Variants in SCG3 observed in about 807,000 individuals in gnomAD.
SCG3 encodes the protein secretogranin-3.
A neutral mutation model predicts 56.2 loss-of-function variants in SCG3; 38 were observed. The observed-to-expected ratio is 0.68, with a 90% confidence interval of 0.52 to 0.89. The LOEUF is 0.89. Among genes scored for constraint, SCG3 ranks in the 40% least tolerant of loss-of-function variants. SCG3 has a pLI of 0.00. For synonymous variants in SCG3, 176 were observed against 184.2 expected, an observed-to-expected ratio of 0.96 and a Z score of 0.36; for missense variants, 524 against 540.7, an observed-to-expected ratio of 0.97 and a Z score of 0.31.
chr15:51,695,124 C>G (rs1184942909), intron 7 of SCG3, among the ~76,000 whole-genome samples: 3 of 151,968 alleles, frequency 2.0e-5, no homozygotes, highest in Non-Finnish European at 4.4e-5. Flanking sequence ...ATATTACTTT[C>G]CATTTTTATT....
chr15:51,687,013 A>G (rs568766428), intron 4 of SCG3, among the ~76,000 whole-genome samples: 6 of 152,224 alleles, frequency 3.9e-5, no homozygotes, highest in Non-Finnish European at 8.8e-5. Context: ...CAGAATAGAA[A>G]TACTAGGCTC....
intron 11 of SCG3, among the ~76,000 whole-genome samples, chr15:51,719,160 G>C (rs1289968681): frequency 6.6e-6 from 1 of 152,220 alleles, no homozygotes; most frequent in Admixed American, 6.5e-5. Context: ...TTGGTCAAAT[G>C]GGGATGGTAT....
rs144104860 is a variant in SCG3 at position 51,714,581 on chromosome 15, T to C, written c.1288+1168T>C. Among the ~76,000 whole-genome samples the C allele has an allele frequency of 7.9e-3, 1,201 of 152,318 alleles. 15 individuals carry two copies. Among genetic ancestry groups the C allele is most frequent in the African/African-American group, 0.028 (1,153 of 41,554 alleles). On this transcript the variant is annotated intron_variant, in intron 11 of 11. Transcript: ENST00000220478. ...AACTTTAAAGTGCATCCAAATCACCTGGGGAACTTCTTAAATATCCCACTG... is the reference window on the plus strand; with the variant it reads ...AACTTTAAAGTGCATCCAAATCACCCGGGGAACTTCTTAAATATCCCACTG...
chr15:51,685,494 G>A (rs1011379350), intron 4 of SCG3, among the ~76,000 whole-genome samples: 7 of 152,278 alleles, frequency 4.6e-5, no homozygotes, highest in South Asian at 2.1e-4. Context: ...ATGACTTCAG[G>A]TTTACCGTAG....
At chr15:51,688,124 G>T in intron 4 of SCG3, 136 bp from the exon 5 acceptor site, 1 of 806,058 alleles carries the variant, frequency 1.2e-6, no homozygotes, top group Non-Finnish European at 1.8e-6. Flanking sequence ...GAGGGTTTCT[G>T]TGGACCGAGA....
At chr15:51,682,936 T>C (rs537698879) in intron 2 of SCG3, 143 bp from the exon 3 acceptor site, 22 of 639,468 alleles carry the variant, frequency 3.4e-5, no homozygotes, top group East Asian at 8.4e-5. Flanking sequence ...TTAATTATTA[T>C]AACAGTGCTC....
At chr15:51,686,726 T>C (rs907673171) in intron 4 of SCG3, among the ~76,000 whole-genome samples, 6 of 152,186 alleles carry the variant, frequency 3.9e-5, no homozygotes, top group African/African-American at 1.4e-4. Context: ...TTTGTTTTTC[T>C]TAGGGGCTTT....
chr15:51,720,844 T>C lies in SCG3; in HGVS notation c.*1318T>C. The C allele has an allele frequency of 5.5e-6, 1 of 183,116 alleles. No homozygotes were observed. Among genetic ancestry groups the C allele is most frequent in the Non-Finnish European group, 1.1e-5 (1 of 93,008 alleles). The allele number at this position is 183,116 out of a possible 1,614,324, so 11.3% of individuals were successfully genotyped here. On this transcript the variant is annotated 3_prime_UTR_variant, in exon 12 of 12. Coordinates refer to ENST00000220478, the MANE Select transcript of SCG3 (RefSeq NM_013243.4). The stretch of plus-strand genomic sequence containing the variant: ...GCACCAATCAGCAGGATTCTAAAAG[T>C]AGACAATCACAGGGAGGATTGAAAA...
chr15:51,699,141 T>C (rs1460987520), intron 8 of SCG3, among the ~76,000 whole-genome samples, 178 bp from the exon 9 acceptor site: 1 of 152,192 alleles, frequency 6.6e-6, no homozygotes, highest in African/African-American at 2.4e-5. Flanking sequence ...TATATGTCTT[T>C]CCATCCTGAG....
chr15:51,690,201 C>G (rs1439706711), intron 6 of SCG3, among the ~76,000 whole-genome samples: 1 of 152,186 alleles, frequency 6.6e-6, no homozygotes, highest in African/African-American at 2.4e-5. Flanking sequence ...GCTCCTTCCC[C>G]TTTTCATTGG....
intron 6 of SCG3, among the ~76,000 whole-genome samples, chr15:51,689,956 T>C (rs2055256315): frequency 6.6e-6 from 1 of 152,206 alleles, no homozygotes; most frequent in African/African-American, 2.4e-5. Flanking sequence ...CATAATAATA[T>C]GTGAAGTAAC....
chr15:51,707,135 C>G (rs1177703391), intron 10 of SCG3, among the ~76,000 whole-genome samples: 1 of 151,886 alleles, frequency 6.6e-6, no homozygotes. Flanking sequence ...TTTTAATCAT[C>G]CAAGGGATGA....
chr15:51,686,701 T>TTGTTTGTTTGTA (rs759176531), intron 4 of SCG3, among the ~76,000 whole-genome samples: 1 of 146,220 alleles, frequency 6.8e-6, no homozygotes, highest in African/African-American at 2.7e-5. Flanking sequence ...GTTTGTTTGT[T>TTGTTTGTTTGTA]TGTATGTTTG....
chr15:51,690,026 A>T lies in SCG3; in HGVS notation c.690+658A>T, dbSNP rs2055256750. Among the ~76,000 whole-genome samples, 3 of 152,298 alleles carry T rather than the reference A, an allele frequency of 2.0e-5. No homozygotes were observed. In the South Asian group the frequency reaches 6.2e-4, roughly 32 times the overall value. On this transcript the variant is annotated intron_variant, in intron 6 of 11. Transcript: ENST00000220478. ...AGTGAACTGCAAGCAAACATCTCACAGTTCTTTTGGTATCCAACATCTGTT... is the reference window on the plus strand; with the variant it reads ...AGTGAACTGCAAGCAAACATCTCACTGTTCTTTTGGTATCCAACATCTGTT...
At chr15:51,684,464 C>T (rs1305139953) in intron 4 of SCG3, among the ~76,000 whole-genome samples, 2 of 152,154 alleles carry the variant, frequency 1.3e-5, no homozygotes, top group Admixed American at 1.3e-4. Context: ...GTAGTCACAG[C>T]TACTTGGGAG....
intron 5 of SCG3, 75 bp downstream of exon 5, chr15:51,688,477 T>C: frequency 7.2e-7 from 1 of 1,397,342 alleles, no homozygotes. Flanking sequence ...GTCACTTGCC[T>C]CAAGTAGCCA....
chr15:51,703,821 A>G (rs1323536094), intron 10 of SCG3, among the ~76,000 whole-genome samples: 1 of 151,978 alleles, frequency 6.6e-6, no homozygotes, highest in Non-Finnish European at 1.5e-5. Context: ...GATTTTTCCT[A>G]TCTTATACAT....
intron 10 of SCG3, among the ~76,000 whole-genome samples, chr15:51,706,688 T>C (rs1192873387): frequency 6.6e-6 from 1 of 151,888 alleles, no homozygotes; most frequent in Non-Finnish European, 1.5e-5. Flanking sequence ...GTAATAATAA[T>C]AATAGTAATA....
chr15:51,714,559 T>C (rs2055441218), intron 11 of SCG3, among the ~76,000 whole-genome samples: 1 of 152,194 alleles, frequency 6.6e-6, no homozygotes. Context: ...CTTCTCAAAC[T>C]TTAAAGTGCA....
Sources: allele counts gnomAD v4.1 joint callset (sites outside exome capture counted in the v4.1 genomes callset), GRCh38; gene constraint gnomAD v4.1.1; transcripts MANE v1.5; gene names NCBI Gene and HGNC (gene_info 2026-07-23, HGNC 2026-07-21).